The following TPD52 variants were observed in gnomAD, a reference collection of about 807,000 sequenced individuals.
TPD52 encodes prostate and colon associated protein.
In TPD52, 17 loss-of-function variants were observed where a neutral mutation model predicts 31.3. The observed-to-expected ratio is 0.54, with a 90% CI of 0.37 to 0.82. The LOEUF (loss-of-function observed/expected upper bound fraction) is 0.82, where lower values mean the gene tolerates loss of function less well. TPD52 is among the 40% of genes least tolerant of loss of function. The pLI is 0.00. For synonymous variants in TPD52, 83 were observed against 89.6 expected (o/e 0.93, Z 0.42); for missense variants, 212 against 240.1 (o/e 0.88, Z 0.77).
At chr8:80,072,650 CAGATATGTGTGTATATACATGTACACAT>C (rs1814001200) in intron 1 of TPD52, among the ~76,000 whole-genome samples, 1 of 103,810 alleles carries the variant, frequency 9.6e-6, no homozygotes, top group African/African-American at 5.0e-5. Context: ...TACATGTACA[CAGATATGTGTGTATATACATGTACACAT>C]AGATATGTGT....
At chr8:80,072,092 A>G (rs1813874637) in intron 1 of TPD52, among the ~76,000 whole-genome samples, 1 of 152,114 alleles carries the variant, frequency 6.6e-6, no homozygotes, top group South Asian at 2.1e-4. Context: ...AGGCGGATCA[A>G]GAGGTCAAGA....
chr8:80,162,954 AAAC>A (rs1168094968), intron 1 of TPD52, among the ~76,000 whole-genome samples: 8 of 105,268 alleles, frequency 7.6e-5, no homozygotes, highest in East Asian at 4.1e-4. Flanking sequence ...ACAAACAAAC[AAAC>A]AAAAAAAACG....
intron 3 of TPD52, chr8:80,051,878 AG>A (rs777853215): frequency 2.9e-5 from 11 of 384,494 alleles, no homozygotes; most frequent in African/African-American, 4.2e-5. Flanking sequence ...CTATAAAGGC[AG>A]GGCCAAAGAA....
intron 1 of TPD52, chr8:80,080,401 A>G (rs868160953): frequency 1.9e-6 from 3 of 1,614,074 alleles, no homozygotes; most frequent in Non-Finnish European, 1.7e-6. Context: ...TCCTGCATCA[A>G]AATCAAACGG....
chr8:80,105,378 T>C (rs1247023012), intron 1 of TPD52, among the ~76,000 whole-genome samples: 2 of 152,204 alleles, frequency 1.3e-5, no homozygotes, highest in African/African-American at 4.8e-5. Flanking sequence ...AGACATTGTA[T>C]GGAAAAGCAC....
At position 80,051,508 on chromosome 8, in the gene TPD52, AG is replaced by A. The variant is rs1586160562; in HGVS notation, c.386+18del. The A allele has an allele frequency of 1.2e-6, 2 of 1,609,964 alleles. No homozygotes were observed. Among genetic ancestry groups the A allele is most frequent in the Non-Finnish European group, 1.7e-6 (2 of 1,176,396 alleles). ...ATTTGCGTCAGCTACTTAATGAGCAAGGAAAAATGAGGACATACTTTACATC... is the reference window on the plus strand; with the variant it reads ...ATTTGCGTCAGCTACTTAATGAGCAAGAAAAATGAGGACATACTTTACATC... On this transcript the variant is annotated intron_variant, in intron 4 of 7. Transcript: ENST00000518937.
At chr8:80,148,810 C>T (rs1810378696) in intron 1 of TPD52, among the ~76,000 whole-genome samples, 1 of 152,124 alleles carries the variant, frequency 6.6e-6, no homozygotes, top group African/African-American at 2.4e-5. Flanking sequence ...GACTGAAGAA[C>T]TACAAAGAAA....
intron 1 of TPD52, among the ~76,000 whole-genome samples, chr8:80,114,347 G>A (rs1337564177): frequency 1.3e-5 from 2 of 151,942 alleles, no homozygotes; most frequent in African/African-American, 4.8e-5. Context: ...ATATTACCTA[G>A]CATACTATAT....
chr8:80,134,636 G>A (rs1427656428), intron 1 of TPD52, among the ~76,000 whole-genome samples: 1 of 152,224 alleles, frequency 6.6e-6, no homozygotes, highest in Non-Finnish European at 1.5e-5. Context: ...TGATCCGAGA[G>A]AGAGTGTGTC....
chr8:80,144,764 A>G (rs776892201), intron 1 of TPD52, among the ~76,000 whole-genome samples: 51 of 152,136 alleles, frequency 3.4e-4, no homozygotes, highest in Non-Finnish European at 4.0e-4. Flanking sequence ...TCTCCTTGAC[A>G]TGGCTTTTTG....
At chr8:80,151,950 T>G (rs1810597424) in intron 1 of TPD52, among the ~76,000 whole-genome samples, 1 of 152,196 alleles carries the variant, frequency 6.6e-6, no homozygotes, top group Non-Finnish European at 1.5e-5. Flanking sequence ...AGCAAGACAA[T>G]GTTAATTGCG....
At chr8:80,086,904 A>AAAAAAAAC (rs1815841351) in intron 1 of TPD52, among the ~76,000 whole-genome samples, 1 of 141,924 alleles carries the variant, frequency 7.0e-6, no homozygotes, top group Non-Finnish European at 1.5e-5. Context: ...AAAAAAAAAA[A>AAAAAAAAC]AAAAATCAAA....
intron 1 of TPD52, among the ~76,000 whole-genome samples, chr8:80,154,805 A>C (rs535513466): frequency 6.6e-6 from 1 of 151,990 alleles, no homozygotes; most frequent in Non-Finnish European, 1.5e-5. Flanking sequence ...ATAAATAAAC[A>C]AAGTAGGAAA....
chr8:80,163,441 A>G (rs1000860452), intron 1 of TPD52, among the ~76,000 whole-genome samples: 3 of 152,126 alleles, frequency 2.0e-5, no homozygotes, highest in Non-Finnish European at 2.9e-5. Flanking sequence ...GGTTTCTATG[A>G]CTGTTACCAG....
chr8:80,077,502 A>C (rs1814722052), intron 1 of TPD52, among the ~76,000 whole-genome samples: 1 of 152,170 alleles, frequency 6.6e-6, no homozygotes, highest in Non-Finnish European at 1.5e-5. Flanking sequence ...CACTTGACCA[A>C]AGGAGAACTT....
intron 1 of TPD52, among the ~76,000 whole-genome samples, chr8:80,157,107 T>C (rs1189381283): frequency 1.3e-5 from 2 of 152,170 alleles, no homozygotes; most frequent in East Asian, 1.9e-4. Context: ...GAAAAGCTGG[T>C]TGCCTCATCA....
At chr8:80,073,192 C>A (rs1376218884) in intron 1 of TPD52, among the ~76,000 whole-genome samples, 2 of 151,972 alleles carry the variant, frequency 1.3e-5, no homozygotes, top group African/African-American at 4.8e-5. Context: ...CTTTTTGGCC[C>A]ATTTAATTTT....
intron 1 of TPD52, among the ~76,000 whole-genome samples, chr8:80,090,174 T>C (rs1386262816): frequency 6.6e-6 from 1 of 152,052 alleles, no homozygotes; most frequent in Non-Finnish European, 1.5e-5. Flanking sequence ...GGAGGATAGC[T>C]TGAGGCCTGG....
At chr8:80,166,909 A>AAT (rs1479382456) in intron 1 of TPD52, among the ~76,000 whole-genome samples, 1 of 152,170 alleles carries the variant, frequency 6.6e-6, no homozygotes, top group Non-Finnish European at 1.5e-5. Flanking sequence ...CTGTTAAAAA[A>AAT]AATAATAATA....
Sources: allele counts gnomAD v4.1 joint callset (sites outside exome capture counted in the v4.1 genomes callset), GRCh38; gene constraint gnomAD v4.1.1; transcripts MANE v1.5; gene names NCBI Gene and HGNC (gene_info 2026-07-23, HGNC 2026-07-21).